The following C1RL variants were observed in gnomAD, a reference collection of about 807,000 sequenced individuals.
C1RL encodes the protein complement C1r subcomponent like, also known as complement C1r subcomponent-like protein.
In C1RL, 27 loss-of-function variants were observed where a neutral mutation model predicts 27.9. The observed-to-expected ratio is 0.97, with a 90% CI of 0.71 to 1.33. The LOEUF (loss-of-function observed/expected upper bound fraction) is 1.33. Ranked by LOEUF, C1RL falls within the 40% of genes most tolerant of loss-of-function variation. C1RL has a pLI of 0.00. For synonymous variants in C1RL, 248 were observed against 252.1 expected (o/e 0.98, Z 0.15); for missense variants, 563 against 623.9 (o/e 0.90, Z 1.04).
intron 5 of C1RL, 25 bp downstream of exon 5, chr12:7,099,661 A>G: frequency 6.5e-7 from 1 of 1,550,344 alleles, no homozygotes; most frequent in Non-Finnish European, 8.7e-7. Context: ...TGTTGGGGGA[A>G]TGGTGCTAGC....
chr12:7,105,389 C>A (rs999081164), intron 2 of C1RL, among the ~76,000 whole-genome samples: 1 of 152,126 alleles, frequency 6.6e-6, no homozygotes, highest in Admixed American at 6.5e-5. Flanking sequence ...TATGCCTCAG[C>A]CTCCCAAGTA....
chr12:7,102,825 C>A (rs1033866152), intron 2 of C1RL, among the ~76,000 whole-genome samples: 2 of 152,198 alleles, frequency 1.3e-5, no homozygotes, highest in Admixed American at 6.5e-5. Context: ...GACTGTCTCG[C>A]CTCTGCTCAA....
In C1RL at chr12:7,096,657, C is replaced by T; in HGVS notation, c.1198G>A (p.Glu400Lys). Residue 400 changes from glutamate to lysine, a missense_variant, in exon 6 of 6, where the codon GAG (glutamate) becomes AAG (lysine). Transcript: ENST00000266542. ...TTTTGGAGCCAGGCGTTGCAGGCCT[C>T]CCTGGGAGCTACAGGCAGCCTCGAG... ...KYSRLPVAPR[E>K]ACNAWLQKRQ... The T allele has an allele frequency of 6.2e-7, 1 of 1,614,144 alleles. No individual in the cohort carries two copies. Among genetic ancestry groups the T allele is most frequent in the East Asian group, 2.2e-5 (1 of 44,866 alleles).
Position 7,095,130 on chromosome 12 carries a change from TGGGGG to T in C1RL, c.*1256_*1260del. On this transcript the variant is annotated 3_prime_UTR_variant, in exon 6 of 6. Coordinates refer to ENST00000266542, the MANE Select transcript of C1RL (RefSeq NM_016546.4). ...TAAATCACCTCCAATCTTTTTTTTT[TGGGGG>T]GGATGAAGTCTTGGTCTGTCCGCAG... is the stretch of plus-strand genomic sequence containing the variant. 8.1e-7 allele frequency: 1 copy of T among 1,235,844 alleles called. No homozygotes were observed. Among genetic ancestry groups the T allele is most frequent in the Non-Finnish European group, 1.0e-6 (1 of 964,228 alleles). 76.6% of individuals were successfully genotyped at this position (1,235,844 alleles called of 1,614,324 possible).
intron 3 of C1RL, 36 bp downstream of exon 3, chr12:7,101,862 A>G: frequency 6.2e-6 from 10 of 1,601,642 alleles, no homozygotes; most frequent in Non-Finnish European, 8.6e-6. Context: ...CTGGGAACAG[A>G]GGCTCCCTCC....
intron 2 of C1RL, among the ~76,000 whole-genome samples, chr12:7,107,316 G>A (rs371829777): frequency 2.6e-5 from 4 of 151,920 alleles, no homozygotes; most frequent in South Asian, 2.1e-4. Flanking sequence ...CCACAGGTGC[G>A]TGCCACCACA....
At chr12:7,108,516 G>T in intron 1 of C1RL, 37 bp from the exon 2 acceptor site, 1 of 1,514,148 alleles carries the variant, frequency 6.6e-7, no homozygotes, top group East Asian at 2.3e-5. Flanking sequence ...GGGCCGCGCA[G>T]CTATGGCCGG....
In C1RL at chr12:7,095,881, A is replaced by G. The variant is rs999005169; in HGVS notation, c.*510T>C. The G allele has an allele frequency of 8.2e-6, 8 of 975,020 alleles. No individual in the cohort carries two copies. The highest frequency in any genetic ancestry group is 1.2e-4 in the Admixed American group (2 of 16,278). The allele number at this position is 975,020 out of a possible 1,614,324, so 60.4% of individuals were successfully genotyped here. A position where few individuals can be genotyped will look rare whatever the true frequency, so the allele number is the denominator to read the frequency against. On this transcript the variant is annotated 3_prime_UTR_variant, in exon 6 of 6. Transcript: ENST00000266542. ...CTGGCATATAGAGGACATAAAATAA[A>G]AAAGGAGCTGTTTCTATAATTGCAT...
intron 5 of C1RL, 99 bp downstream of exon 5, chr12:7,099,587 C>T: frequency 6.7e-7 from 1 of 1,485,788 alleles, no homozygotes; most frequent in Admixed American, 2.3e-5. Context: ...TTCTTATCTT[C>T]CTTTCTATTC....
At position 7,104,285 on chromosome 12, in the gene C1RL, A is replaced by G. The variant is rs1256936823; in HGVS notation, c.301-2198T>C. Among the ~76,000 whole-genome samples the G allele has an allele frequency of 5.3e-5, 8 of 151,970 alleles. No homozygotes were observed. Among genetic ancestry groups the G allele is most frequent in the African/African-American group, 1.7e-4 (7 of 41,368 alleles). On this transcript the variant is annotated intron_variant, in intron 2 of 5. Coordinates refer to ENST00000266542, the MANE Select transcript of C1RL (RefSeq NM_016546.4). This position sits in a 1 kb window ranked among gnomAD's most constrained non-coding sequence, Gnocchi z 5.4. ...CCTAGAATCTCTGTGCACCCAGGCAACTCCCTCTGGCCCACCCTGGCAGAA... is the reference window on the plus strand; with the variant it reads ...CCTAGAATCTCTGTGCACCCAGGCAGCTCCCTCTGGCCCACCCTGGCAGAA...
chr12:7,105,655 T>TA (rs540426431), intron 2 of C1RL, among the ~76,000 whole-genome samples: 28 of 151,886 alleles, frequency 1.8e-4, no homozygotes, highest in Non-Finnish European at 3.7e-4. Context: ...AGACAAACGG[T>TA]AAAAAAGAAC....
At chr12:7,106,981 T>C (rs1938784454) in intron 2 of C1RL, among the ~76,000 whole-genome samples, 2 of 152,168 alleles carry the variant, frequency 1.3e-5, no homozygotes, top group South Asian at 2.1e-4. Context: ...TTATCTTCTA[T>C]ACTGTAGTTG....
chr12:7,102,053 C>G lies in C1RL; in HGVS notation c.335G>C (p.Cys112Ser). The G allele has an allele frequency of 6.2e-7, 1 of 1,613,198 alleles. No individual in the cohort carries two copies. The highest frequency in any genetic ancestry group is 8.5e-7 in the Non-Finnish European group (1 of 1,179,214). Residue 112 changes from cysteine to serine, a missense_variant, in exon 3 of 6, where the codon TGT (cysteine) becomes TCT (serine). Cys to Ser is a moderately radical substitution (Grantham distance 112). Coordinates refer to ENST00000266542, the MANE Select transcript of C1RL (RefSeq NM_016546.4). ...GCCCAGAGGGGAGCCTTGCTGACCA[C>G]AGAACTGGCTTGGATCCGAACCGAC... Reference protein sequence around the residue: ...SFVGSDPSQFCGQQGSPLGRP... With the variant: ...SFVGSDPSQFSGQQGSPLGRP...
intron 2 of C1RL, among the ~76,000 whole-genome samples, chr12:7,105,193 C>T (rs992833222): frequency 6.6e-6 from 1 of 152,162 alleles, no homozygotes; most frequent in African/African-American, 2.4e-5. Context: ...TGTCGATAAC[C>T]CTATTTTCAA....
At position 7,095,626 on chromosome 12, in the gene C1RL, A is replaced by T; in HGVS notation, c.*765T>A. The stretch of plus-strand genomic sequence containing the variant: ...GAATTCCCAGGGAGGGAAAATGGTA[A>T]GGATGTGGGGGCTGGGAGGGAAAGC... On this transcript the variant is annotated 3_prime_UTR_variant, in exon 6 of 6. Transcript: ENST00000266542. The T allele has an allele frequency of 1.0e-6, 1 of 985,976 alleles. No homozygotes were observed. The highest frequency in any genetic ancestry group is 1.2e-6 in the Non-Finnish European group (1 of 830,264). 61.1% of individuals were successfully genotyped at this position (985,976 alleles called of 1,614,324 possible).
Position 7,097,177 on chromosome 12 carries a change from G to A in C1RL, c.692-14C>T, listed in dbSNP as rs1938470864. On this transcript the variant is annotated splice_polypyrimidine_tract_variant and intron_variant, in intron 5 of 5. Transcript: ENST00000266542. ...GCCGTCCGCAGACTGGGAGAGAGGC[G>A]GGGTAGGGGTGACAGTCAGCAGCTG... is the stretch of plus-strand genomic sequence containing the variant. 1.3e-6 allele frequency: 2 copies of A among 1,579,274 alleles called. No homozygotes were observed. Among genetic ancestry groups the A allele is most frequent in the Non-Finnish European group, 1.7e-6 (2 of 1,161,780 alleles).
chr12:7,108,017 GGCCT>G, intron 2 of C1RL: 4 of 416,910 alleles, frequency 9.6e-6, no homozygotes, highest in Non-Finnish European at 1.7e-5. Flanking sequence ...CCAAACGCAG[GGCCT>G]GCTTGCTGCC....
intron 5 of C1RL, chr12:7,097,378 G>A (rs912771387): frequency 3.6e-5 from 18 of 505,400 alleles, no homozygotes; most frequent in Middle Eastern, 5.0e-4. Context: ...CGCCTCCTGC[G>A]CTCAAGCAAT....
intron 5 of C1RL, among the ~76,000 whole-genome samples, chr12:7,097,941 T>TA (rs948796027): frequency 2.0e-4 from 31 of 152,214 alleles, no homozygotes; most frequent in African/African-American, 6.7e-4. Flanking sequence ...AGGCTACCCT[T>TA]AGAGTTTTCC....
Sources: allele counts gnomAD v4.1 joint callset (sites outside exome capture counted in the v4.1 genomes callset), GRCh38; gene constraint gnomAD v4.1.1; non-coding constraint Gnocchi (gnomAD v3.1); transcripts MANE v1.5; gene names NCBI Gene and HGNC (gene_info 2026-07-23, HGNC 2026-07-21).